CCDC7: variants seen among roughly 807,000 people sequenced by gnomAD.
CCDC7 encodes the protein coiled-coil domain-containing protein 7.
In CCDC7, 183 loss-of-function variants were observed where a neutral mutation model predicts 196.9. The ratio of observed to expected loss-of-function variants is 0.93; its 90% CI spans 0.82 to 1.05. The LOEUF is 1.05. Ranked by LOEUF, CCDC7 falls within the 50% of genes least tolerant of loss-of-function variation. CCDC7 has a pLI of 0.00. For missense variants in CCDC7, 1,540 were observed against 1,482.2 expected, an observed-to-expected ratio of 1.04 and a Z score of -0.64; for synonymous variants, 525 against 484.6, an observed-to-expected ratio of 1.08 and a Z score of -1.10.
rs373162987 is a variant in CCDC7 at position 32,643,998 on chromosome 10, G to A, written c.2014+8840G>A. ...TCTGGCATATTTTTAACAATTCAGA[G>A]GCTTCACAATTAAATGGTGTCACTC... On this transcript the variant is annotated intron_variant, in intron 20 of 41. Transcript: ENST00000639629. Among the ~76,000 whole-genome samples the A allele has an allele frequency of 7.5e-5, 11 of 146,944 alleles. No individual in the cohort carries two copies. The East Asian group carries it at 1.9e-3, about 26-fold the overall frequency.
At chr10:32,539,509 A>G (rs747791973) in intron 11 of CCDC7, among the ~76,000 whole-genome samples, 14 of 151,028 alleles carry the variant, frequency 9.3e-5, no homozygotes, top group Non-Finnish European at 1.8e-4. Flanking sequence ...TTTTTTTTGT[A>G]TCTCAATTTC....
At chr10:32,710,304 G>A (rs1268628298) in intron 24 of CCDC7, among the ~76,000 whole-genome samples, 1 of 152,172 alleles carries the variant, frequency 6.6e-6, no homozygotes, top group Non-Finnish European at 1.5e-5. Flanking sequence ...TCAATCCCTT[G>A]CTGGGTCATA....
chr10:32,768,402 A>G lies in CCDC7; in HGVS notation c.2906-10575A>G, dbSNP rs1029647027. Among the ~76,000 whole-genome samples the G allele has an allele frequency of 2.6e-5, 4 of 152,266 alleles. No homozygotes were observed. In the South Asian group the frequency reaches 8.3e-4, roughly 32 times the overall value. ...TCCTGAAACTTTACTGAATTTGTTT[A>G]TGAAATCTAAGAGATTTGGAGAAGT... On this transcript the variant is annotated intron_variant, in intron 28 of 41. Coordinates refer to ENST00000639629, the Ensembl canonical transcript of CCDC7.
At chr10:32,645,972 T>C (rs1432897734) in intron 20 of CCDC7, among the ~76,000 whole-genome samples, 1 of 152,008 alleles carries the variant, frequency 6.6e-6, no homozygotes, top group Admixed American at 6.6e-5. Flanking sequence ...TGTTTATCTT[T>C]TCAAAATACA....
At chr10:32,537,709 A>G (rs1263041079) in intron 11 of CCDC7, among the ~76,000 whole-genome samples, 1 of 152,150 alleles carries the variant, frequency 6.6e-6, no homozygotes, top group Non-Finnish European at 1.5e-5. Context: ...TCTTCTGCAT[A>G]TGGCTGGCCA....
At chr10:32,857,916 CAAATA>C (rs1201729765) in intron 41 of CCDC7, among the ~76,000 whole-genome samples, 1 of 150,978 alleles carries the variant, frequency 6.6e-6, no homozygotes, top group Non-Finnish European at 1.5e-5. Context: ...GAGAAAAACT[CAAATA>C]AAATCAGAAA....
chr10:32,780,862 G>T (rs12219087), intron 29 of CCDC7, among the ~76,000 whole-genome samples: 13,515 of 152,096 alleles, frequency 0.089, 862 homozygotes, highest in East Asian at 0.33. Flanking sequence ...TTTAAAAAAT[G>T]ATCAACTACA....
intron 21 of CCDC7, among the ~76,000 whole-genome samples, chr10:32,669,427 T>C (rs2073584572): frequency 2.0e-5 from 3 of 152,094 alleles, no homozygotes; most frequent in South Asian, 4.1e-4. Context: ...TCTCTCTTCT[T>C]CTATTTTTTT....
chr10:32,532,308 A>T (rs2049801456), intron 11 of CCDC7, among the ~76,000 whole-genome samples: 1 of 152,156 alleles, frequency 6.6e-6, no homozygotes, highest in African/African-American at 2.4e-5. Flanking sequence ...GTTGTTTAGG[A>T]ACGTGGTAAC....
intron 20 of CCDC7, among the ~76,000 whole-genome samples, chr10:32,654,520 G>A (rs757313283): frequency 4.6e-5 from 7 of 152,144 alleles, no homozygotes; most frequent in Non-Finnish European, 7.4e-5. Flanking sequence ...GACTAGTTTT[G>A]TAAAGTTTAT....
In CCDC7 at chr10:32,681,609, C is replaced by T. The variant is rs527731013; in HGVS notation, c.2123-4361C>T. 2.0e-5 allele frequency among the ~76,000 whole-genome samples: 3 copies of T among 152,236 alleles called. 1 individual carries two copies. In the South Asian group the frequency reaches 6.2e-4, roughly 32 times the overall value. On this transcript the variant is annotated intron_variant, in intron 21 of 41. Coordinates refer to ENST00000639629, the Ensembl canonical transcript of CCDC7. ...GCAGTACACAAATCTTACCTCAAGT[C>T]TCTTTTGTGTTGGGAATCTCTATGA...
chr10:32,708,849 AG>A (rs1449155374), intron 24 of CCDC7, among the ~76,000 whole-genome samples: 1 of 152,230 alleles, frequency 6.6e-6, no homozygotes, highest in Non-Finnish European at 1.5e-5. Flanking sequence ...GTGGAGAAAT[AG>A]GAACACTTTT....
chr10:32,863,273 C>A (rs946344290), intron 41 of CCDC7, among the ~76,000 whole-genome samples: 7 of 152,052 alleles, frequency 4.6e-5, no homozygotes, highest in African/African-American at 1.7e-4. Flanking sequence ...CTATAGTAAT[C>A]AAACTCATAT....
chr10:32,507,435 T>C (rs2045373930), intron 9 of CCDC7, among the ~76,000 whole-genome samples: 1 of 152,084 alleles, frequency 6.6e-6, no homozygotes, highest in African/African-American at 2.4e-5. Flanking sequence ...TAATTATTTA[T>C]ATGTAAGGAC....
chr10:32,670,605 T>C (rs923705287), intron 21 of CCDC7, among the ~76,000 whole-genome samples: 3 of 141,394 alleles, frequency 2.1e-5, no homozygotes, highest in Non-Finnish European at 3.0e-5. Flanking sequence ...TGTGTTCTCA[T>C]TGTTCAATTC....
chr10:32,682,216 C>T (rs1413866255), intron 21 of CCDC7, among the ~76,000 whole-genome samples: 1 of 152,156 alleles, frequency 6.6e-6, no homozygotes, highest in Non-Finnish European at 1.5e-5. Flanking sequence ...TTTTTCCCCT[C>T]TTTGTGTCCA....
chr10:32,765,562 A>G (rs564021017), intron 28 of CCDC7, among the ~76,000 whole-genome samples: 7 of 152,210 alleles, frequency 4.6e-5, no homozygotes, highest in African/African-American at 1.4e-4. Flanking sequence ...ATTAGAAGCT[A>G]CTAGAACTGA....
At chr10:32,753,210 T>C (rs1273807620) in intron 28 of CCDC7, among the ~76,000 whole-genome samples, 1 of 152,108 alleles carries the variant, frequency 6.6e-6, no homozygotes, top group Non-Finnish European at 1.5e-5. Context: ...TTAAGAAACA[T>C]AAAATTGCCC....
At chr10:32,867,417 C>A (rs1038256717) in intron 41 of CCDC7, among the ~76,000 whole-genome samples, 4 of 151,226 alleles carry the variant, frequency 2.6e-5, no homozygotes, top group Non-Finnish European at 4.4e-5. Flanking sequence ...ATAACACATA[C>A]ATCTACATAT....
Sources: allele counts gnomAD v4.1 joint callset (sites outside exome capture counted in the v4.1 genomes callset), GRCh38; gene constraint gnomAD v4.1.1; transcripts MANE v1.5; gene names NCBI Gene and HGNC (gene_info 2026-07-23, HGNC 2026-07-21).